The following THOC2 variants were observed in gnomAD, a reference collection of about 807,000 sequenced individuals.
THOC2 encodes the protein THO complex subunit 2.
In THOC2, 10 loss-of-function variants were observed where a neutral mutation model predicts 128.4. That is an observed-to-expected ratio of 0.08 (90% CI 0.05 to 0.13). THOC2 has a LOEUF of 0.13. THOC2 is among the 10% of genes least tolerant of loss of function. The pLI is 1.00. For synonymous variants in THOC2, 393 were observed against 396.9 expected (o/e 0.99, Z 0.12); for missense variants, 535 against 1,155.7 (o/e 0.46, Z 7.79).
chrX:123,710,380 A>G (rs1270552832), intron 2 of THOC2, among the ~76,000 whole-genome samples: 1 of 112,333 alleles, frequency 8.9e-6, no homozygotes, highest in Non-Finnish European at 1.9e-5. Flanking sequence ...TTATCCACCT[A>G]ATGTTTCTAT....
chrX:123,715,765 AC>A (rs1398740741), intron 1 of THOC2, among the ~76,000 whole-genome samples: 1 of 104,113 alleles, frequency 9.6e-6, no homozygotes, highest in East Asian at 3.0e-4. Context: ...AGCCTGGGTG[AC>A]AAAGTGAGAC....
intron 23 of THOC2, 110 bp from the exon 24 acceptor site, chrX:123,626,772 T>C (rs757516733): frequency 1.6e-5 from 11 of 702,156 alleles, no homozygotes; most frequent in Non-Finnish European, 2.0e-5. Flanking sequence ...TACTTTAACA[T>C]GAATATAGGT....
intron 12 of THOC2, among the ~76,000 whole-genome samples, chrX:123,657,710 C>T (rs1048169005): frequency 1.8e-5 from 2 of 109,965 alleles, no homozygotes; most frequent in Admixed American, 9.7e-5. Flanking sequence ...GAAATAAAGA[C>T]TTTCTCAGAC....
chrX:123,707,610 T>C (rs1296959893), intron 2 of THOC2, among the ~76,000 whole-genome samples: 2 of 111,262 alleles, frequency 1.8e-5, no homozygotes, highest in Non-Finnish European at 3.8e-5. Flanking sequence ...AAAAGATATT[T>C]TGGTTTTGGA....
In THOC2 at chrX:123,700,908, G is replaced by A. The variant is rs140881676; in HGVS notation, c.274+2546C>T. On this transcript the variant is annotated intron_variant, in intron 4 of 38. Coordinates refer to ENST00000245838, the MANE Select transcript of THOC2 (RefSeq NM_001081550.2). Reference sequence around the variant, plus strand: ...CATCATCATCATCATTATTATTAGAGGTAGCTAGCATTCTTACTCCTATTC... The same window carrying A: ...CATCATCATCATCATTATTATTAGAAGTAGCTAGCATTCTTACTCCTATTC... Among the ~76,000 whole-genome samples the A allele has an allele frequency of 5.7e-3, 631 of 111,249 alleles. 4 individuals carry two copies. Among genetic ancestry groups the A allele is most frequent in the Middle Eastern group, 0.023 (5 of 215 alleles).
At chrX:123,652,604 GT>G (rs1458877832) in intron 12 of THOC2, among the ~76,000 whole-genome samples, 1 of 111,868 alleles carries the variant, frequency 8.9e-6, no homozygotes, top group Non-Finnish European at 1.9e-5. Flanking sequence ...CAAAATCAAT[GT>G]GCAAAAATCA....
At chrX:123,603,125 A>T (rs976342988) in intron 38 of THOC2, 1 of 111,512 alleles carries the variant, frequency 9.0e-6, no homozygotes, top group African/African-American at 3.3e-5. Flanking sequence ...ATGGTATCAC[A>T]GTATGGCCAT....
chrX:123,642,034 T>C (rs1181254509), intron 15 of THOC2, among the ~76,000 whole-genome samples: 2 of 112,381 alleles, frequency 1.8e-5, no homozygotes, highest in African/African-American at 3.2e-5. Flanking sequence ...TTTTTATTCA[T>C]TCATTCATAT....
chrX:123,649,930 C>A (rs1446939905), intron 12 of THOC2, among the ~76,000 whole-genome samples: 1 of 111,524 alleles, frequency 9.0e-6, no homozygotes, highest in Non-Finnish European at 1.9e-5. Context: ...GACAGGCCAA[C>A]ATTCAAAATT....
intron 38 of THOC2, chrX:123,602,478 G>A (rs1324658913): frequency 8.9e-6 from 1 of 111,976 alleles, no homozygotes; most frequent in South Asian, 3.8e-4. Context: ...AAACACAAAA[G>A]GCCACAAATT....
chrX:123,611,610 T>C (rs2046701834), intron 36 of THOC2, 94 bp from the exon 37 acceptor site: 1 of 520,519 alleles, frequency 1.9e-6, no homozygotes, highest in Admixed American at 3.5e-5. Flanking sequence ...TATATTTGTC[T>C]TCAAAAACTT....
intron 1 of THOC2, among the ~76,000 whole-genome samples, chrX:123,731,278 TTAA>T (rs1273846410): frequency 1.8e-5 from 2 of 111,471 alleles, no homozygotes; most frequent in Admixed American, 9.5e-5. Flanking sequence ...TCTCTGACAA[TTAA>T]TAAACCAATA....
At chrX:123,662,006 A>C (rs1483737821) in intron 12 of THOC2, among the ~76,000 whole-genome samples, 2 of 111,723 alleles carry the variant, frequency 1.8e-5, no homozygotes, top group Non-Finnish European at 3.8e-5. Context: ...AACAAACAAA[A>C]AAAATCTACC....
intron 24 of THOC2, 107 bp from the exon 25 acceptor site, chrX:123,626,176 C>A (rs1225467370): frequency 3.7e-6 from 2 of 545,494 alleles, no homozygotes; most frequent in Non-Finnish European, 5.8e-6. Flanking sequence ...TACTATAAAC[C>A]ACAAACTATT....
chrX:123,709,584 C>T (rs1178312298), intron 2 of THOC2, among the ~76,000 whole-genome samples: 2 of 111,408 alleles, frequency 1.8e-5, no homozygotes, highest in Admixed American at 1.9e-4. Context: ...GAGCGGGAGA[C>T]TCTGTCTCAA....
chrX:123,727,412 C>T lies in THOC2; in HGVS notation c.71+5540G>A, dbSNP rs768644167. Among the ~76,000 whole-genome samples, 248 of 111,157 alleles carry T rather than the reference C, an allele frequency of 2.2e-3. 1 individual carries two copies. Among genetic ancestry groups the T allele is most frequent in the African/African-American group, 7.8e-3 (239 of 30,594 alleles). On this transcript the variant is annotated intron_variant, in intron 1 of 38. Coordinates refer to ENST00000245838, the MANE Select transcript of THOC2 (RefSeq NM_001081550.2). ...GTTTCTGAACATTACATTTGTCTTACTATACACCTGCCTAATGGTTTTAGG... is the reference window on the plus strand; with the variant it reads ...GTTTCTGAACATTACATTTGTCTTATTATACACCTGCCTAATGGTTTTAGG...
intron 33 of THOC2, among the ~76,000 whole-genome samples, chrX:123,618,104 C>T (rs906278850): frequency 9.0e-6 from 1 of 111,458 alleles, no homozygotes; most frequent in African/African-American, 3.3e-5. Flanking sequence ...GTATGGAGAA[C>T]TCTGTTAGTA....
At chrX:123,726,834 A>C (rs1256330466) in intron 1 of THOC2, among the ~76,000 whole-genome samples, 1 of 112,301 alleles carries the variant, frequency 8.9e-6, no homozygotes, top group Non-Finnish European at 1.9e-5. Flanking sequence ...TTGCATATGG[A>C]ACCATTGAAA....
intron 33 of THOC2, 111 bp from the exon 34 acceptor site, chrX:123,614,300 G>A (rs1020768736): frequency 1.3e-5 from 8 of 599,594 alleles, no homozygotes; most frequent in South Asian, 5.8e-5. Context: ...GTAAAAACTG[G>A]TCAGCTATCT....
Sources: gnomAD v4.1 joint callset for allele counts (sites outside exome capture counted in the v4.1 genomes callset) on GRCh38, gnomAD v4.1.1 for gene constraint, MANE v1.5 for transcripts, NCBI Gene and HGNC (gene_info 2026-07-23, HGNC 2026-07-21) for gene names.